SULT1C3: variants seen among roughly 807,000 people sequenced by gnomAD.
SULT1C3 encodes the protein sulfotransferase 1C3.
In SULT1C3, 31 loss-of-function variants were observed where a neutral mutation model predicts 28.4. The ratio of observed to expected loss-of-function variants is 1.09; its 90% CI spans 0.82 to 1.47. The LOEUF (loss-of-function observed/expected upper bound fraction) is 1.47, where lower values mean the gene tolerates loss of function less well. SULT1C3 is among the 40% of genes most tolerant of loss of function. The probability of loss-of-function intolerance (pLI) is 0.00; values close to 1 mark genes in which losing one functional copy is unlikely to be tolerated. For synonymous variants in SULT1C3, 106 were observed against 92.2 expected (o/e 1.15, Z -0.86); for missense variants, 307 against 272.5 (o/e 1.13, Z -0.89).
rs776781581 is a variant in SULT1C3, at chr2:108,252,508, C to G, written c.301+15C>G. 6.2e-7 allele frequency: 1 copy of G among 1,610,552 alleles called. No individual in the cohort carries two copies. On this transcript the variant is annotated intron_variant, in intron 3 of 7. Coordinates refer to ENST00000681802, the MANE Select transcript of SULT1C3 (RefSeq NM_001320878.2). The stretch of plus-strand genomic sequence containing the variant: ...AGAAAAACCAGGTGAGTAATATGCA[C>G]GAAGATAGAAAGGACTTTCACTTCA...
intron 4 of SULT1C3, among the ~76,000 whole-genome samples, chr2:108,253,821 T>C (rs991489376): frequency 2.0e-5 from 3 of 152,036 alleles, no homozygotes; most frequent in African/African-American, 7.2e-5. Context: ...AGCAGAGGTA[T>C]AGAATCTGCT....
intron 1 of SULT1C3, among the ~76,000 whole-genome samples, chr2:108,241,533 G>A (rs974483844): frequency 6.6e-6 from 1 of 152,212 alleles, no homozygotes; most frequent in African/African-American, 2.4e-5. Context: ...CTTTTTGGGT[G>A]CAGTCCACTT....
intron 4 of SULT1C3, among the ~76,000 whole-genome samples, chr2:108,254,255 G>A (rs150984879): frequency 6.6e-6 from 1 of 151,966 alleles, no homozygotes; most frequent in Non-Finnish European, 1.5e-5. Flanking sequence ...CAGTCCTCCT[G>A]AAATCCTGCA....
chr2:108,253,664 T>C (rs200479401), intron 4 of SULT1C3, among the ~76,000 whole-genome samples: 1 of 152,186 alleles, frequency 6.6e-6, no homozygotes, highest in African/African-American at 2.4e-5. Context: ...TCATGAAAAA[T>C]TCTTGGTAAG....
chr2:108,243,548 G>A (rs575523861), intron 1 of SULT1C3, among the ~76,000 whole-genome samples: 20 of 151,442 alleles, frequency 1.3e-4, no homozygotes, highest in Non-Finnish European at 1.0e-4. Flanking sequence ...GGAGAACAGC[G>A]TGAACCTGGG....
chr2:108,255,173 C>T (rs572387870), intron 4 of SULT1C3, among the ~76,000 whole-genome samples: 12 of 152,194 alleles, frequency 7.9e-5, no homozygotes, highest in Admixed American at 2.6e-4. Flanking sequence ...TTTCTCTCAA[C>T]TCATTGAGAC....
chr2:108,262,483 C>T (rs1364583056), downstream of SULT1C3, among the ~76,000 whole-genome samples: 2 of 152,120 alleles, frequency 1.3e-5, no homozygotes, highest in African/African-American at 4.8e-5. Context: ...TACCTGCCTG[C>T]CTTTGCAGGT....
At chr2:108,263,911 C>G (rs1676075862), downstream of SULT1C3, among the ~76,000 whole-genome samples, 1 of 152,210 alleles carries the variant, frequency 6.6e-6, no homozygotes, top group African/African-American at 2.4e-5. Context: ...AATCTGTTGG[C>G]TCCTGGCACT....
rs1454543801 is a variant in SULT1C3, at chr2:108,260,596, T to G, written c.831T>G (p.Phe277Leu). The G allele has an allele frequency of 3.9e-6, 2 of 514,156 alleles. No homozygotes were observed. The highest frequency in any genetic ancestry group is 7.8e-6 in the Non-Finnish European group (2 of 257,870). The allele number at this position is 514,156 out of a possible 1,614,324, so 31.8% of individuals were successfully genotyped here. The change falls in exon 8 of 8, where the codon TTT (phenylalanine) becomes TTG (leucine). Residue 277 changes from phenylalanine to leucine, a missense_variant. Physicochemically the swap from Phe to Leu is conservative, Grantham distance 22 (BLOSUM62 0). Transcript: ENST00000681802. ...TGCCTGGAGACTGGAAGAACCACTT[T>G]ACTGTGGCTTTGAATGAGAACTTTG... ...KGMPGDWKNH[F>L]TVALNENFDK...
At chr2:108,264,294 T>C (rs1027972061), downstream of SULT1C3, among the ~76,000 whole-genome samples, 13 of 152,210 alleles carry the variant, frequency 8.5e-5, no homozygotes, top group African/African-American at 2.9e-4. Context: ...ATCTCTTTGA[T>C]CAAAAAGATC....
intron 5 of SULT1C3, among the ~76,000 whole-genome samples, chr2:108,257,499 A>G (rs541111086): frequency 2.8e-3 from 428 of 152,172 alleles, no homozygotes; most frequent in Non-Finnish European, 5.1e-3. Flanking sequence ...ATATACATGG[A>G]TGAGTCCCCT....
Position 108,259,153 on chromosome 2 carries a change from G to T in SULT1C3, c.802+7G>T, listed in dbSNP as rs750154270. ...TCAAAATTTATGAGGAAAGGTTGGT[G>T]GCATTTCTTTTCCTTAACTGAACTC... is the stretch of plus-strand genomic sequence containing the variant. On this transcript the variant is annotated splice_region_variant and intron_variant, in intron 7 of 7. Coordinates refer to ENST00000681802, the MANE Select transcript of SULT1C3 (RefSeq NM_001320878.2). 3 of 362,256 alleles carry T rather than the reference G, an allele frequency of 8.3e-6. No individual in the cohort carries two copies. The highest frequency in any genetic ancestry group is 2.1e-5 in the African/African-American group (1 of 48,236). The allele number at this position is 362,256 out of a possible 1,614,324, so 22.4% of individuals were successfully genotyped here.
At chr2:108,258,895 G>C in intron 6 of SULT1C3, 67 bp downstream of exon 6, 1 of 1,322,174 alleles carries the variant, frequency 7.6e-7, no homozygotes. Flanking sequence ...CTGTTAAAAA[G>C]CTGTGTCTTT....
intron 4 of SULT1C3, 59 bp from the exon 5 acceptor site, chr2:108,255,513 A>G: frequency 6.3e-7 from 1 of 1,578,168 alleles, no homozygotes; most frequent in South Asian, 1.2e-5. Flanking sequence ...CACTCACTTG[A>G]GTATTTCATG....
intron 5 of SULT1C3, among the ~76,000 whole-genome samples, chr2:108,256,774 T>C (rs992028434): frequency 1.3e-5 from 2 of 152,064 alleles, no homozygotes; most frequent in Non-Finnish European, 2.9e-5. Context: ...AATAATAATT[T>C]CCATCAAGCA....
intron 1 of SULT1C3, among the ~76,000 whole-genome samples, chr2:108,241,792 T>C (rs1331131979): frequency 6.6e-6 from 1 of 152,070 alleles, no homozygotes; most frequent in African/African-American, 2.4e-5. Flanking sequence ...CTGGGCATGA[T>C]GGCGGGTGCC....
chr2:108,258,723 A>T lies in SULT1C3; in HGVS notation c.527-11A>T. 1 of 1,609,152 alleles carries T rather than the reference A, an allele frequency of 6.2e-7. No individual in the cohort carries two copies. On this transcript the variant is annotated splice_polypyrimidine_tract_variant and intron_variant, in intron 5 of 7. Transcript: ENST00000681802. ...AGTACTGGGAACTAACAGTGCTCTG[A>T]CTTCTTCCAGTTGTTGGCGGGTCCT...
At chr2:108,259,702 A>T (rs1675971109) in intron 7 of SULT1C3, among the ~76,000 whole-genome samples, 1 of 152,128 alleles carries the variant, frequency 6.6e-6, no homozygotes, top group Non-Finnish European at 1.5e-5. Context: ...AGAGACTCAT[A>T]CCTCAAAACA....
chr2:108,243,630 C>CAAAAAAAAA (rs34569653), intron 1 of SULT1C3, among the ~76,000 whole-genome samples: 1 of 129,874 alleles, frequency 7.7e-6, no homozygotes. Flanking sequence ...GACTCTATCT[C>CAAAAAAAAA]AAAAAAAAAA....
Sources: gnomAD v4.1 joint callset for allele counts (sites outside exome capture counted in the v4.1 genomes callset) on GRCh38, gnomAD v4.1.1 for gene constraint, MANE v1.5 for transcripts, NCBI Gene and HGNC (gene_info 2026-07-23, HGNC 2026-07-21) for gene names.